The following SLC25A6 variants were observed in gnomAD, a reference collection of about 807,000 sequenced individuals.
SLC25A6 encodes solute carrier family 25 member 6.
Under a neutral mutation model 25.7 loss-of-function variants are expected in SLC25A6, and 9 were observed. The observed-to-expected ratio is 0.35, with a 90% CI of 0.21 to 0.61. The LOEUF (loss-of-function observed/expected upper bound fraction) is 0.61, where lower values mean the gene tolerates loss of function less well. SLC25A6 is among the 20% of genes least tolerant of loss of function. The probability of loss-of-function intolerance (pLI) is 0.76; values close to 1 mark genes in which losing one functional copy is unlikely to be tolerated. For missense variants in SLC25A6, 404 were observed against 440.5 expected, an observed-to-expected ratio of 0.92 and a Z score of 0.74; for synonymous variants, 223 against 197.0, an observed-to-expected ratio of 1.13 and a Z score of -1.11.
Position 1,386,441 on chromosome X carries a change from G to T in SLC25A6, c.*161C>A. On this transcript the variant is annotated 3_prime_UTR_variant, in exon 4 of 4. Transcript: ENST00000381401. The stretch of plus-strand genomic sequence containing the variant: ...GCTGCCGATGGTTGGATCGCAATGC[G>T]CCCCTTTTCTAGAGCCTTCCCCGGC... The T allele has an allele frequency of 3.2e-6, 3 of 934,242 alleles. No individual in the cohort carries two copies. The highest frequency in any genetic ancestry group is 2.5e-5 in the South Asian group (1 of 40,256). The allele number at this position is 934,242 out of a possible 1,614,324, so 57.9% of individuals were successfully genotyped here.
chrX:1,387,411 G>A lies in SLC25A6; in HGVS notation c.607C>T (p.Pro203Ser), dbSNP rs761108585. Reference protein sequence around the residue: ...GVYDTAKGMLPDPKNTHIVVS... With the variant: ...GVYDTAKGMLSDPKNTHIVVS... ...ACGATGTGCGTGTTCTTGGGGTCGG[G>A]GAGCATGCCTGCGCGGGAACGGCAC... Residue 203 changes from proline (P) to serine (S), a missense_variant, in exon 3 of 4, where the codon CCC (proline) becomes TCC (serine). Coordinates refer to ENST00000381401, the MANE Select transcript of SLC25A6 (RefSeq NM_001636.4). 35 of 1,612,672 alleles carry A rather than the reference G, an allele frequency of 2.2e-5. No homozygotes were observed. Among genetic ancestry groups the A allele is most frequent in the Non-Finnish European group, 2.9e-5 (34 of 1,179,664 alleles).
intron 1 of SLC25A6, among the ~76,000 whole-genome samples, 155 bp from the exon 2 acceptor site, chrX:1,389,882 C>A (rs1358142216): frequency 6.6e-6 from 1 of 151,954 alleles, no homozygotes; most frequent in Non-Finnish European, 1.5e-5. Flanking sequence ...CTCAGCCTCC[C>A]GAGTAGCTGG....
chrX:1,387,482 C>T lies in SLC25A6; in HGVS notation c.599-63G>A, dbSNP rs776144056. The T allele has an allele frequency of 1.3e-5, 21 of 1,594,416 alleles. No individual in the cohort carries two copies. The East Asian group carries it at 1.8e-4, about 14-fold the overall frequency. ...CACGGCCACCCGAGACCAGGGTCGG[C>T]CCCCAGGGTGTGCTCACGGCCCCCT... On this transcript the variant is annotated intron_variant, in intron 2 of 3. Coordinates refer to ENST00000381401, the MANE Select transcript of SLC25A6 (RefSeq NM_001636.4).
At chrX:1,390,536 C>G (rs1285845936) in intron 1 of SLC25A6, among the ~76,000 whole-genome samples, 1 of 151,654 alleles carries the variant, frequency 6.6e-6, no homozygotes, top group Non-Finnish European at 1.5e-5. Flanking sequence ...CGAGATCGTG[C>G]CACTGCACTC....
At chrX:1,389,185 G>A (rs2089367716) in intron 2 of SLC25A6, 56 bp downstream of exon 2, 1 of 1,569,724 alleles carries the variant, frequency 6.4e-7, no homozygotes, top group Non-Finnish European at 8.7e-7. Context: ...GGACCCTGGG[G>A]GAACGTCTGT....
chrX:1,387,948 C>G (rs2149239237), intron 2 of SLC25A6, among the ~76,000 whole-genome samples: 2 of 152,002 alleles, frequency 1.3e-5, no homozygotes, highest in South Asian at 4.2e-4. Flanking sequence ...AAGACGGTGT[C>G]TACAAGCCAA....
rs757435216 is a variant in SLC25A6, at chrX:1,391,909, A to G, written c.101T>C (p.Leu34Pro). ...TAVAPIERVK[L>P]LLQVQHASKQ... ...CGCCCGCGTCCCCACCTGCAGCAGC[A>G]GCTTGACCCGCTCGATCGGAGCCAC... is the stretch of plus-strand genomic sequence containing the variant. Residue 34 changes from leucine to proline, a missense_variant, in exon 1 of 4, where the codon CTG becomes CCG. Leu to Pro is a moderately conservative substitution (Grantham distance 98, BLOSUM62 -3). Transcript: ENST00000381401. The G allele has an allele frequency of 1.9e-6, 3 of 1,606,514 alleles. No homozygotes were observed. Among genetic ancestry groups the G allele is most frequent in the East Asian group, 2.2e-5 (1 of 44,668 alleles).
intron 2 of SLC25A6, 123 bp downstream of exon 2, chrX:1,389,114 GGAGA>G (rs1377696123): frequency 2.9e-6 from 3 of 1,030,128 alleles, no homozygotes; most frequent in Non-Finnish European, 4.2e-6. Context: ...TCCAAGTCCA[GGAGA>G]GAGGCCGCAG....
Position 1,389,448 on chromosome X carries a change from C to A in SLC25A6, c.391G>T (p.Val131Leu). Reference sequence around the variant, plus strand: ...GTTCTGGCGAAATCCAGCGGGTACACGAAGCAGAGGGAGGTCGCGCCGGCC... The same window carrying A: ...GTTCTGGCGAAATCCAGCGGGTACAAGAAGCAGAGGGAGGTCGCGCCGGCC... ...GAAGATSLCF[V>L]YPLDFARTRL... The change falls in exon 2 of 4, where the codon GTG (valine) becomes TTG (leucine). Residue 131 changes from valine to leucine, a missense_variant. Physicochemically the swap from Val to Leu is conservative, Grantham distance 32 (BLOSUM62 1). Coordinates refer to ENST00000381401, the MANE Select transcript of SLC25A6 (RefSeq NM_001636.4). 1 of 1,613,876 alleles carries A rather than the reference C, an allele frequency of 6.2e-7. No homozygotes were observed. The highest frequency in any genetic ancestry group is 8.5e-7 in the Non-Finnish European group (1 of 1,179,918).
chrX:1,388,410 G>A (rs1460415537), intron 2 of SLC25A6, among the ~76,000 whole-genome samples: 17 of 150,164 alleles, frequency 1.1e-4, no homozygotes, highest in African/African-American at 3.9e-4. Context: ...CAGGGAAGAC[G>A]GAGTCTCCAA....
intron 1 of SLC25A6, among the ~76,000 whole-genome samples, chrX:1,390,488 G>A (rs2089388141): frequency 6.6e-6 from 1 of 151,680 alleles, no homozygotes; most frequent in African/African-American, 2.4e-5. Flanking sequence ...GGCTGAGGCA[G>A]AATGGCGTGA....
At chrX:1,388,266 G>A (rs1452025357) in intron 2 of SLC25A6, among the ~76,000 whole-genome samples, 1 of 150,630 alleles carries the variant, frequency 6.6e-6, no homozygotes, top group African/African-American at 2.4e-5. Context: ...GATTATGGAA[G>A]AATCAATGTC....
chrX:1,391,751 C>T (rs1174770338), intron 1 of SLC25A6, 148 bp downstream of exon 1: 3 of 606,648 alleles, frequency 4.9e-6, no homozygotes, highest in East Asian at 6.3e-5. Context: ...TGACGCGGCC[C>T]CCGGAAGCCG....
In SLC25A6 at chrX:1,391,923, G is replaced by A; in HGVS notation, c.87C>T (p.Ile29=). The A allele has an allele frequency of 6.2e-7, 1 of 1,608,336 alleles. No individual in the cohort carries two copies. The highest frequency in any genetic ancestry group is 8.5e-7 in the Non-Finnish European group (1 of 1,178,586). The change falls in exon 1 of 4, where the codon ATC becomes ATT. Residue 29 remains isoleucine, a synonymous_variant. Transcript: ENST00000381401. Reference sequence around the variant, plus strand: ...CCTGCAGCAGCAGCTTGACCCGCTCGATCGGAGCCACGGCCGTCTTGGAGA... The same window carrying A: ...CCTGCAGCAGCAGCTTGACCCGCTCAATCGGAGCCACGGCCGTCTTGGAGA... The part of the protein sequence containing the change: ...AAISKTAVAP[I]ERVKLLLQVQ...
intron 2 of SLC25A6, among the ~76,000 whole-genome samples, chrX:1,388,745 C>G (rs1377914242): frequency 1.3e-5 from 2 of 151,730 alleles, no homozygotes; most frequent in Non-Finnish European, 2.9e-5. Context: ...TTACAATCCA[C>G]CCAGTCTATG....
chrX:1,391,169 G>A (rs749736853), intron 1 of SLC25A6, among the ~76,000 whole-genome samples: 1 of 151,524 alleles, frequency 6.6e-6, no homozygotes, highest in Admixed American at 6.6e-5. Flanking sequence ...CTTGCTGTGT[G>A]GCCCCGGCTG....
At chrX:1,391,780 G>A (rs1302285866) in intron 1 of SLC25A6, 119 bp downstream of exon 1, 1 of 715,410 alleles carries the variant, frequency 1.4e-6, no homozygotes. Context: ...TGGACAAAGC[G>A]ATCGCGGCCT....
Position 1,389,257 on chromosome X carries a change from C to G in SLC25A6, c.582G>C (p.Val194=), listed in dbSNP as rs1488708790. The G allele has an allele frequency of 6.2e-7, 1 of 1,613,142 alleles. No homozygotes were observed. Among genetic ancestry groups the G allele is most frequent in the Admixed American group, 1.7e-5 (1 of 59,976 alleles). The change falls in exon 2 of 4, where the codon GTG becomes GTC. Residue 194 remains valine, a synonymous_variant. Coordinates refer to ENST00000381401, the MANE Select transcript of SLC25A6 (RefSeq NM_001636.4). The stretch of plus-strand genomic sequence containing the variant: ...CACACGTACCCTTGGCCGTATCGTA[C>G]ACGCCGAAGTAGGCCGCCCGGTAGA... ...IIIYRAAYFG[V]YDTAKGMLPD...
Position 1,386,358 on chromosome X carries a change from G to A in SLC25A6, c.*244C>T. Reference sequence around the variant, plus strand: ...CTCAGTACTGGAGTGTCTCACCCATGGGCCCCACGCAGGGACGCCACGGTT... The same window carrying A: ...CTCAGTACTGGAGTGTCTCACCCATAGGCCCCACGCAGGGACGCCACGGTT... On this transcript the variant is annotated 3_prime_UTR_variant, in exon 4 of 4. Coordinates refer to ENST00000381401, the MANE Select transcript of SLC25A6 (RefSeq NM_001636.4). The A allele has an allele frequency of 2.1e-6, 1 of 468,102 alleles. No homozygotes were observed. Among genetic ancestry groups the A allele is most frequent in the Non-Finnish European group, 3.7e-6 (1 of 272,428 alleles). The allele number at this position is 468,102 out of a possible 1,614,324, so 29.0% of individuals were successfully genotyped here.
Sources: gnomAD v4.1 joint callset for allele counts (sites outside exome capture counted in the v4.1 genomes callset) on GRCh38, gnomAD v4.1.1 for gene constraint, MANE v1.5 for transcripts, NCBI Gene and HGNC (gene_info 2026-07-23, HGNC 2026-07-21) for gene names.